NOTCH2: variants seen among roughly 807,000 people sequenced by gnomAD.
The protein encoded by NOTCH2 is neurogenic locus notch homolog protein 2.
Under a neutral mutation model 235.8 loss-of-function variants are expected in NOTCH2, and 29 were observed. That is an observed-to-expected ratio of 0.12 (90% CI 0.09 to 0.17). The LOEUF is 0.17. NOTCH2 is among the 10% of genes least tolerant of loss of function. The probability of loss-of-function intolerance (pLI) is 1.00; values close to 1 mark genes in which losing one functional copy is unlikely to be tolerated. For synonymous variants in NOTCH2, 1,086 were observed against 1,141.5 expected (o/e 0.95, Z 0.98); for missense variants, 2,285 against 3,150.2 (o/e 0.73, Z 6.57).
intron 17 of NOTCH2, among the ~76,000 whole-genome samples, chr1:119,945,416 C>T (rs1201479321): frequency 6.6e-6 from 1 of 151,866 alleles, no homozygotes; most frequent in Non-Finnish European, 1.5e-5. Context: ...GTCTAAATAC[C>T]TGAATTAAAA....
chr1:119,929,316 A>G (rs1649576306), intron 22 of NOTCH2, 104 bp from the exon 23 acceptor site: 3 of 900,012 alleles, frequency 3.3e-6, no homozygotes, highest in Non-Finnish European at 5.5e-6. Context: ...ATCAGAGTAT[A>G]CTCCTCAACT....
At chr1:119,919,223 A>G in intron 31 of NOTCH2, 89 bp downstream of exon 31, 3 of 1,341,092 alleles carry the variant, frequency 2.2e-6, no homozygotes, top group Non-Finnish European at 3.2e-6. Flanking sequence ...GATTGAATAA[A>G]TTCAATGAGA....
chr1:119,924,068 G>T (rs1184636826), intron 25 of NOTCH2, 84 bp from the exon 26 acceptor site: 2 of 1,204,760 alleles, frequency 1.7e-6, no homozygotes, highest in South Asian at 1.3e-5. Flanking sequence ...AACTACTGTG[G>T]ATTTTCCTAC....
intron 5 of NOTCH2, among the ~76,000 whole-genome samples, chr1:119,976,886 T>C (rs1651600575): frequency 6.6e-6 from 1 of 152,086 alleles, no homozygotes; most frequent in South Asian, 2.1e-4. Context: ...CTCCTACTCA[T>C]TGTCTATATG....
At chr1:119,967,977 G>C (rs1651209791) in intron 7 of NOTCH2, 100 bp downstream of exon 7, 7 of 1,314,252 alleles carry the variant, frequency 5.3e-6, no homozygotes, top group Admixed American at 3.5e-5. Context: ...CTGAGGTTTG[G>C]GTGTATGTAA....
intron 2 of NOTCH2, among the ~76,000 whole-genome samples, chr1:120,015,009 T>TTTTAA (rs1491192006): frequency 4.6e-5 from 5 of 109,084 alleles, no homozygotes; most frequent in Non-Finnish European, 1.0e-4. Flanking sequence ...TTTTTTTTTT[T>TTTTAA]AAAAACGAGG....
chr1:119,971,332 A>G (rs1416693495), intron 5 of NOTCH2, among the ~76,000 whole-genome samples: 3 of 152,222 alleles, frequency 2.0e-5, no homozygotes, highest in African/African-American at 2.4e-5. Flanking sequence ...AACTCCAGCC[A>G]TATAATTCTT....
intron 5 of NOTCH2, among the ~76,000 whole-genome samples, chr1:119,982,704 C>T (rs1651859345): frequency 6.6e-6 from 1 of 152,260 alleles, no homozygotes; most frequent in Admixed American, 6.5e-5. Context: ...CCCTATAAGA[C>T]ACTTCCCTAT....
chr1:119,941,014 T>C (rs1291233745), intron 18 of NOTCH2, among the ~76,000 whole-genome samples: 4 of 152,260 alleles, frequency 2.6e-5, no homozygotes, highest in Non-Finnish European at 5.9e-5. Context: ...TTCTAGGTTT[T>C]ACCCAGTCCT....
intron 26 of NOTCH2, 121 bp from the exon 27 acceptor site, chr1:119,922,899 G>A (rs1051247861): frequency 2.5e-6 from 3 of 1,208,070 alleles, no homozygotes; most frequent in Non-Finnish European, 3.6e-6. Flanking sequence ...TCAGCATCAG[G>A]TCCCCACCTC....
In NOTCH2 at chr1:119,922,267, C is replaced by T; in HGVS notation, c.5182G>A (p.Glu1728Lys). 6.2e-7 allele frequency: 1 copy of T among 1,614,100 alleles called. No individual in the cohort carries two copies. Among genetic ancestry groups the T allele is most frequent in the Non-Finnish European group, 8.5e-7 (1 of 1,179,978 alleles). ...RRDASNHKRR[E>K]PVGQDAVGLK... ...CCCACAGCATCCTGTCCCACTGGCT[C>T]ACGACGCTTGTGATTGCTTGCATCT... The change falls in exon 28 of 34, where the codon GAG becomes AAG. Residue 1728 changes from glutamate (E) to lysine (K), a missense_variant. This residue lies in a region of NOTCH2 where 1,173 missense variants were observed against 1,515.3 expected (regional missense o/e 0.77). Transcript: ENST00000256646.
chr1:119,942,826 C>A (rs1650107836), intron 17 of NOTCH2, among the ~76,000 whole-genome samples: 1 of 150,320 alleles, frequency 6.7e-6, no homozygotes, highest in Non-Finnish European at 1.5e-5. Flanking sequence ...GCCTTGGATA[C>A]TTTTTCACTA....
In NOTCH2 at chr1:120,057,644, T is replaced by TCA. The variant is rs1225004734; in HGVS notation, c.73+11688_73+11689dup. Among the ~76,000 whole-genome samples the TCA allele has an allele frequency of 7.2e-5, 5 of 69,330 alleles. No individual in the cohort carries two copies. The East Asian group carries it at 1.4e-3, about 20-fold the overall frequency. 45.5% of individuals were successfully genotyped at this position (69,330 alleles called of 152,430 possible). ...TCAACTGATAGAAGGTTAAAAGCCA[T>TCA]CAATGTATCGGTCAGCTAATGTCCA... On this transcript the variant is annotated intron_variant, in intron 1 of 33. Coordinates refer to ENST00000256646, the MANE Select transcript of NOTCH2 (RefSeq NM_024408.4).
intron 22 of NOTCH2, among the ~76,000 whole-genome samples, chr1:119,932,252 T>G (rs1394236218): frequency 6.6e-6 from 1 of 152,106 alleles, no homozygotes; most frequent in Non-Finnish European, 1.5e-5. Context: ...GGTTAAAATA[T>G]GGTATGCCTG....
Position 119,916,284 on chromosome 1 carries a change from T to C in NOTCH2, c.6438A>G (p.Val2146=), listed in dbSNP as rs1369864744. The C allele has an allele frequency of 2.5e-6, 4 of 1,614,070 alleles. No homozygotes were observed. Among genetic ancestry groups the C allele is most frequent in the Non-Finnish European group, 2.5e-6 (3 of 1,180,032 alleles). ...CTAGGGAATCAACAGGGGATAAAGT[T>C]ACTGAACTCTCAGACAGTTGGACCT... ...SEKVQLSESS[V]TLSPVDSLES... The change falls in exon 34 of 34, where the codon GTA becomes GTG. Residue 2146 remains valine (V), a synonymous_variant. Transcript: ENST00000256646.
rs770222404 is a variant in NOTCH2 at position 119,925,593 on chromosome 1, C to T, written c.4223G>A (p.Gly1408Asp). Residue 1408 changes from glycine to aspartate, a missense_variant, in exon 25 of 34, where the codon GGT (glycine) becomes GAT (aspartate). By Grantham distance (94) the Gly-to-Asp change is moderately conservative. Around this residue, in one of 6 missense-constraint regions of NOTCH2, gnomAD observed 1,173 missense variants for 1,515.3 expected, o/e 0.77. Transcript: ENST00000256646. ...TGCCGTGTAGAGTTCACAGCGGCTACCCGAGAATGGTGGGGCACACTGGCA... is the reference window on the plus strand; with the variant it reads ...TGCCGTGTAGAGTTCACAGCGGCTATCCGAGAATGGTGGGGCACACTGGCA... ...YSCQCAPPFS[G>D]SRCELYTAPP... is the part of the protein sequence containing the mutation. The T allele has an allele frequency of 1.1e-5, 17 of 1,613,894 alleles. No homozygotes were observed. The highest frequency in any genetic ancestry group is 1.3e-5 in the Non-Finnish European group (15 of 1,180,018).
rs1288422683 is a variant in NOTCH2 at position 119,914,335 on chromosome 1, C to T, written c.*971G>A. The stretch of plus-strand genomic sequence containing the variant: ...GGCTCTTGCACGAGTTAACTTGTCT[C>T]TTGGTCATTCCAACATTCCAAACCT... On this transcript the variant is annotated 3_prime_UTR_variant, in exon 34 of 34. Transcript: ENST00000256646. 8.6e-6 allele frequency: 2 copies of T among 233,010 alleles called. No individual in the cohort carries two copies. Among genetic ancestry groups the T allele is most frequent in the African/African-American group, 4.4e-5 (2 of 45,314 alleles). The allele number at this position is 233,010 out of a possible 1,614,324, so 14.4% of individuals were successfully genotyped here. A position where few individuals can be genotyped will look rare whatever the true frequency, so the allele number is the denominator to read the frequency against.
At chr1:120,010,461 C>T (rs1653143840) in intron 2 of NOTCH2, among the ~76,000 whole-genome samples, 1 of 151,950 alleles carries the variant, frequency 6.6e-6, no homozygotes. Flanking sequence ...TATTGTTCTG[C>T]TCTTAAGAGT....
At chr1:119,947,780 A>C (rs979497741) in intron 17 of NOTCH2, among the ~76,000 whole-genome samples, 16 of 152,268 alleles carry the variant, frequency 1.1e-4, no homozygotes, top group African/African-American at 3.9e-4. Flanking sequence ...TAATATGTCC[A>C]TACAATGGAA....
Sources: gnomAD v4.1 joint callset for allele counts (sites outside exome capture counted in the v4.1 genomes callset) on GRCh38, gnomAD v4.1.1 for gene constraint, gnomAD v4.1.1 regional missense constraint, MANE v1.5 for transcripts, NCBI Gene and HGNC (gene_info 2026-07-23, HGNC 2026-07-21) for gene names.